PIEZO2: variants seen among roughly 807,000 people sequenced by gnomAD.
PIEZO2 encodes the protein piezo-type mechanosensitive ion channel component 2.
PIEZO2 carries 172 observed loss-of-function variants against 337.3 expected under a neutral mutation model. That is an observed-to-expected ratio of 0.51 (90% CI 0.45 to 0.58). PIEZO2 has a LOEUF of 0.58. PIEZO2 is among the 20% of genes least tolerant of loss of function. PIEZO2 has a pLI of 0.00. For synonymous variants in PIEZO2, 1,251 were observed against 1,228.5 expected (o/e 1.02, Z -0.38); for missense variants, 3,028 against 3,391.3 (o/e 0.89, Z 2.66).
intron 3 of PIEZO2, among the ~76,000 whole-genome samples, chr18:10,938,988 G>A (rs2032562690): frequency 6.6e-6 from 1 of 152,140 alleles, no homozygotes; most frequent in Admixed American, 6.5e-5. Context: ...TCGGGAGGCT[G>A]AGGCAGGAGA....
At position 10,716,547 on chromosome 18, in the gene PIEZO2, G is replaced by C. The variant is rs1478417024; in HGVS notation, c.5090-731C>G. On this transcript the variant is annotated intron_variant, in intron 37 of 55. Coordinates refer to ENST00000674853, the MANE Select transcript of PIEZO2 (RefSeq NM_001378183.1). This position sits in a 1 kb window ranked among gnomAD's most constrained non-coding sequence, Gnocchi z 4.1. Reference sequence around the variant, plus strand: ...AGGAAAAGAGCGGGTATCTTTTGCTGAGCAAGGAGGCACAGGAAGAGAACG... The same window carrying C: ...AGGAAAAGAGCGGGTATCTTTTGCTCAGCAAGGAGGCACAGGAAGAGAACG... Among the ~76,000 whole-genome samples, 1 of 152,116 alleles carries C rather than the reference G, an allele frequency of 6.6e-6. No homozygotes were observed. Among genetic ancestry groups the C allele is most frequent in the Non-Finnish European group, 1.5e-5 (1 of 68,036 alleles).
chr18:10,797,607 G>A, intron 11 of PIEZO2, 85 bp from the exon 12 acceptor site: 1 of 1,485,130 alleles, frequency 6.7e-7, no homozygotes, highest in South Asian at 1.3e-5. Context: ...CACATGTATG[G>A]TTTTGGTATA....
At chr18:10,946,698 C>T (rs2033041162) in intron 3 of PIEZO2, among the ~76,000 whole-genome samples, 1 of 152,214 alleles carries the variant, frequency 6.6e-6, no homozygotes, top group South Asian at 2.1e-4. Flanking sequence ...AACATATATA[C>T]TCACTTGGCC....
At position 11,125,469 on chromosome 18, in the gene PIEZO2, T is replaced by C. The variant is rs1199779422; in HGVS notation, c.64+23056A>G. ...TCACATAAACAACTAGACCCCTCTG[T>C]TTAGCTGACAAAACACGTGTTTAGT... On this transcript the variant is annotated intron_variant, in intron 1 of 55. Coordinates refer to ENST00000674853, the MANE Select transcript of PIEZO2 (RefSeq NM_001378183.1). The surrounding 1 kb of genome is among the most constrained non-coding windows in gnomAD (Gnocchi z 4.4). 6.6e-6 allele frequency among the ~76,000 whole-genome samples: 1 copy of C among 152,196 alleles called. No individual in the cohort carries two copies. Among genetic ancestry groups the C allele is most frequent in the Non-Finnish European group, 1.5e-5 (1 of 68,042 alleles).
chr18:10,947,062 C>A (rs2033060330), intron 3 of PIEZO2, among the ~76,000 whole-genome samples: 1 of 149,858 alleles, frequency 6.7e-6, no homozygotes, highest in South Asian at 2.1e-4. Flanking sequence ...AAAAAAGTTA[C>A]AAATCCAAAA....
At chr18:10,868,127 T>C (rs1189903081) in intron 5 of PIEZO2, among the ~76,000 whole-genome samples, 1 of 152,226 alleles carries the variant, frequency 6.6e-6, no homozygotes, top group Non-Finnish European at 1.5e-5. Flanking sequence ...CCCAAGAGTC[T>C]TCCCCACGGA....
At chr18:11,060,225 A>C (rs2037892084) in intron 2 of PIEZO2, among the ~76,000 whole-genome samples, 1 of 152,228 alleles carries the variant, frequency 6.6e-6, no homozygotes, top group Non-Finnish European at 1.5e-5. Flanking sequence ...CAAAGACACA[A>C]CGTACCAGAA....
Position 10,696,399 on chromosome 18 carries a change from G to A in PIEZO2, c.6968C>T (p.Ala2323Val). 1 of 1,614,196 alleles carries A rather than the reference G, an allele frequency of 6.2e-7. No individual in the cohort carries two copies. Residue 2323 changes from alanine to valine, a missense_variant, in exon 46 of 56, where the codon GCC becomes GTC. By Grantham distance (64) the Ala-to-Val change is moderately conservative. Transcript: ENST00000674853. ...DFIIIVFGFWAFGKHSAAADI... is the reference protein window; with the variant it reads ...DFIIIVFGFWVFGKHSAAADI... ...GCCTTTGCCCCAACCTACCCCAAAG[G>A]CCCAAAAGCCGAAGACAATGATGAT... is the stretch of plus-strand genomic sequence containing the variant.
At position 10,705,855 on chromosome 18, in the gene PIEZO2, T is replaced by C. The variant is rs1005381439; in HGVS notation, c.5589-109A>G. The C allele has an allele frequency of 3.8e-5, 49 of 1,302,294 alleles. 1 individual carries two copies. In the South Asian group the frequency reaches 5.2e-4, roughly 14 times the overall value. 80.7% of individuals were successfully genotyped at this position (1,302,294 alleles called of 1,614,324 possible). ...CAGAACTCCTAAGGAAATGCCCCATTTTCCCCCCTGCATTCCATCTGCTTT... is the reference window on the plus strand; with the variant it reads ...CAGAACTCCTAAGGAAATGCCCCATCTTCCCCCCTGCATTCCATCTGCTTT... On this transcript the variant is annotated intron_variant, in intron 40 of 55. Transcript: ENST00000674853.
At chr18:11,147,603 G>C (rs1246048901) in intron 1 of PIEZO2, among the ~76,000 whole-genome samples, 2 of 152,256 alleles carry the variant, frequency 1.3e-5, no homozygotes, top group Non-Finnish European at 2.9e-5. Context: ...GGTGAAAAGC[G>C]CTCTACTTCC....
intron 48 of PIEZO2, among the ~76,000 whole-genome samples, chr18:10,690,127 C>T (rs918901870): frequency 6.6e-5 from 10 of 152,282 alleles, no homozygotes; most frequent in South Asian, 2.1e-4. Flanking sequence ...CTTGGCCATG[C>T]GGTGCTGAAT....
rs555536948 is a variant in PIEZO2, at chr18:10,736,531, A to G, written c.4815+73T>C. The G allele has an allele frequency of 1.9e-4, 292 of 1,523,972 alleles. No homozygotes were observed. The South Asian group carries it at 3.4e-3, about 18-fold the overall frequency. The allele number at this position is 1,523,972 out of a possible 1,614,324, so 94.4% of individuals were successfully genotyped here. ...CATATGAATATTACAGGAGGTGTCT[A>G]GGCCTGCAATGAAGGTCCGTCAATA... On this transcript the variant is annotated intron_variant, in intron 34 of 55. Transcript: ENST00000674853.
Position 10,677,958 on chromosome 18 carries a change from T to A in PIEZO2, c.7953-83A>T. The stretch of plus-strand genomic sequence containing the variant: ...ATTTACAACATATTTAACTCTTAAT[T>A]TGATTAATGTCACCACGTTTTCATT... On this transcript the variant is annotated intron_variant, in intron 52 of 55. Transcript: ENST00000674853. The surrounding 1 kb of genome is among the most constrained non-coding windows in gnomAD (Gnocchi z 4.1). 2 of 1,329,322 alleles carry A rather than the reference T, an allele frequency of 1.5e-6. No individual in the cohort carries two copies. Among genetic ancestry groups the A allele is most frequent in the Non-Finnish European group, 2.0e-6 (2 of 995,402 alleles). The allele number at this position is 1,329,322 out of a possible 1,614,324, so 82.3% of individuals were successfully genotyped here.
Position 10,726,374 on chromosome 18 carries a change from C to T in PIEZO2, c.5029+5033G>A. The T allele has an allele frequency of 6.6e-7, 1 of 1,518,448 alleles. No homozygotes were observed. The highest frequency in any genetic ancestry group is 2.0e-5 in the Admixed American group (1 of 49,744). 94.1% of individuals were successfully genotyped at this position (1,518,448 alleles called of 1,614,324 possible). A position where few individuals can be genotyped will look rare whatever the true frequency, so the allele number is the denominator to read the frequency against. ...CCTTCGCCTTCCCCGCAGGCACCCA[C>T]TACCTGCGGGGCGGTAACAACGCGC... is the stretch of plus-strand genomic sequence containing the variant. On this transcript the variant is annotated intron_variant, in intron 36 of 55. Transcript: ENST00000674853. The surrounding 1 kb of genome is among the most constrained non-coding windows in gnomAD (Gnocchi z 5.9).
At chr18:10,947,507 C>T (rs1281499138) in intron 3 of PIEZO2, among the ~76,000 whole-genome samples, 2 of 151,966 alleles carry the variant, frequency 1.3e-5, no homozygotes, top group Non-Finnish European at 2.9e-5. Context: ...AAGGTGAAGG[C>T]CAAAAACTAC....
intron 1 of PIEZO2, among the ~76,000 whole-genome samples, chr18:11,106,418 CTTT>C (rs539595699): frequency 1.5e-5 from 2 of 129,590 alleles, no homozygotes; most frequent in Non-Finnish European, 1.6e-5. Flanking sequence ...TTTCCTCTCT[CTTT>C]TTTTTTTTTT....
chr18:10,882,488 T>A (rs763862783), intron 4 of PIEZO2, among the ~76,000 whole-genome samples: 7 of 152,238 alleles, frequency 4.6e-5, no homozygotes, highest in Non-Finnish European at 1.0e-4. Context: ...AAAAATCTAA[T>A]ATATTAACTT....
At chr18:11,090,783 G>C (rs1399965923) in intron 1 of PIEZO2, among the ~76,000 whole-genome samples, 2 of 151,908 alleles carry the variant, frequency 1.3e-5, no homozygotes, top group African/African-American at 2.4e-5. Context: ...GTGGTGGCGG[G>C]CGCCTGTAGT....
chr18:10,825,295 G>A lies in PIEZO2; in HGVS notation c.918-18021C>T, dbSNP rs567915601. ...TGTTTTTGATGAGCTTCACAGTTCT[G>A]AGTTCTCATCAGGTATTCTGTGGAA... On this transcript the variant is annotated intron_variant, in intron 7 of 55. Coordinates refer to ENST00000674853, the MANE Select transcript of PIEZO2 (RefSeq NM_001378183.1). Among the ~76,000 whole-genome samples, 200 of 152,242 alleles carry A rather than the reference G, an allele frequency of 1.3e-3. 1 individual carries two copies. Among genetic ancestry groups the A allele is most frequent in the African/African-American group, 4.5e-3 (186 of 41,548 alleles).
Sources: gnomAD v4.1 joint callset for allele counts (sites outside exome capture counted in the v4.1 genomes callset) on GRCh38, gnomAD v4.1.1 for gene constraint, Gnocchi (gnomAD v3.1) non-coding constraint, MANE v1.5 for transcripts, NCBI Gene and HGNC (gene_info 2026-07-23, HGNC 2026-07-21) for gene names.